PCDH9: variants seen among roughly 807,000 people sequenced by gnomAD.
The protein encoded by PCDH9 is protocadherin-9.
A neutral mutation model predicts 70.6 loss-of-function variants in PCDH9; 24 were observed. That is an observed-to-expected ratio of 0.34 (90% CI 0.25 to 0.48). The LOEUF (loss-of-function observed/expected upper bound fraction) is 0.48, where lower values mean the gene tolerates loss of function less well. PCDH9 is among the 20% of genes least tolerant of loss of function. The pLI is 0.99. For synonymous variants in PCDH9, 562 were observed against 558.5 expected (o/e 1.01, Z -0.09); for missense variants, 1,281 against 1,503.6 (o/e 0.85, Z 2.45).
At chr13:66,618,200 C>T (rs768830411) in intron 4 of PCDH9, among the ~76,000 whole-genome samples, 2 of 152,098 alleles carry the variant, frequency 1.3e-5, no homozygotes, top group African/African-American at 2.4e-5. Context: ...AAATTGTCTG[C>T]GAGCCTGAAG....
intron 4 of PCDH9, among the ~76,000 whole-genome samples, chr13:66,484,068 C>G (rs970493519): frequency 2.0e-5 from 3 of 152,154 alleles, no homozygotes; most frequent in Non-Finnish European, 4.4e-5. Context: ...CATCTCCCTT[C>G]TGGCTCCCCC....
At chr13:66,816,916 G>A (rs1184755674) in intron 3 of PCDH9, among the ~76,000 whole-genome samples, 1 of 150,114 alleles carries the variant, frequency 6.7e-6, no homozygotes, top group Admixed American at 6.6e-5. Context: ...GATAATGTGA[G>A]CTGACTATAA....
chr13:66,977,422 TAAAG>T (rs2139761068), intron 2 of PCDH9: 1 of 152,202 alleles, frequency 6.6e-6, no homozygotes, highest in South Asian at 2.1e-4. Context: ...TGTAGGCACA[TAAAG>T]AAAGTTTTGA....
chr13:66,972,242 T>C (rs1015327241), intron 2 of PCDH9, among the ~76,000 whole-genome samples: 2 of 151,992 alleles, frequency 1.3e-5, no homozygotes, highest in Non-Finnish European at 2.9e-5. Context: ...TACTGAAAGA[T>C]ATTCATAGCT....
intron 4 of PCDH9, among the ~76,000 whole-genome samples, chr13:66,533,696 G>C (rs1960568125): frequency 6.6e-6 from 1 of 152,048 alleles, no homozygotes; most frequent in Non-Finnish European, 1.5e-5. Flanking sequence ...ACAGTATGTT[G>C]AGCTTGATTT....
intron 2 of PCDH9, among the ~76,000 whole-genome samples, chr13:67,119,829 G>A (rs903918997): frequency 3.3e-5 from 5 of 152,092 alleles, no homozygotes; most frequent in African/African-American, 1.2e-4. Flanking sequence ...TTAGAGAATC[G>A]TGCAAGAATG....
intron 4 of PCDH9, among the ~76,000 whole-genome samples, chr13:66,368,444 AC>A (rs1160353498): frequency 3.3e-5 from 5 of 151,744 alleles, no homozygotes; most frequent in Non-Finnish European, 7.4e-5. Context: ...AATAAGTGAC[AC>A]CCCCAATTTT....
chr13:67,116,468 C>G (rs1226275150), intron 2 of PCDH9, among the ~76,000 whole-genome samples: 6 of 152,062 alleles, frequency 3.9e-5, no homozygotes, highest in African/African-American at 1.4e-4. Context: ...AAGTTTAGGA[C>G]AGTAAGTTGA....
At chr13:66,757,941 A>T (rs955791552) in intron 3 of PCDH9, among the ~76,000 whole-genome samples, 1 of 152,126 alleles carries the variant, frequency 6.6e-6, no homozygotes, top group African/African-American at 2.4e-5. Flanking sequence ...CAAATGGATT[A>T]GAAATTTTAA....
At chr13:66,329,445 C>T (rs1443120758) in intron 4 of PCDH9, among the ~76,000 whole-genome samples, 1 of 152,174 alleles carries the variant, frequency 6.6e-6, no homozygotes, top group Non-Finnish European at 1.5e-5. Flanking sequence ...TATCCCACCT[C>T]CCCTTATCTT....
chr13:67,128,262 G>A (rs530774356), intron 2 of PCDH9, among the ~76,000 whole-genome samples: 1 of 152,272 alleles, frequency 6.6e-6, no homozygotes, highest in Admixed American at 6.5e-5. Context: ...GTTTAGAGAA[G>A]CACATTTGGA....
intron 2 of PCDH9, among the ~76,000 whole-genome samples, chr13:67,172,431 C>T (rs1386578136): frequency 6.6e-6 from 1 of 152,056 alleles, no homozygotes; most frequent in Non-Finnish European, 1.5e-5. Flanking sequence ...ATAATTATAA[C>T]TAAATGGGGA....
intron 4 of PCDH9, among the ~76,000 whole-genome samples, chr13:66,356,281 G>A (rs1956381069): frequency 6.6e-6 from 1 of 152,120 alleles, no homozygotes; most frequent in Non-Finnish European, 1.5e-5. Context: ...AATCCCTGCA[G>A]CACCTTCATG....
intron 4 of PCDH9, among the ~76,000 whole-genome samples, chr13:66,606,590 T>C (rs1040163148): frequency 1.2e-4 from 19 of 152,146 alleles, no homozygotes; most frequent in African/African-American, 4.1e-4. Flanking sequence ...ACTAGGCATA[T>C]TGTTGCCAGA....
At chr13:66,730,314 A>G (rs1198764318) in intron 3 of PCDH9, among the ~76,000 whole-genome samples, 1 of 152,190 alleles carries the variant, frequency 6.6e-6, no homozygotes, top group Non-Finnish European at 1.5e-5. Flanking sequence ...TGCAAATTTT[A>G]TAATTAAAAT....
At chr13:66,638,831 A>G (rs191259389) in intron 3 of PCDH9, among the ~76,000 whole-genome samples, 45 of 152,268 alleles carry the variant, frequency 3.0e-4, no homozygotes, top group African/African-American at 9.9e-4. Flanking sequence ...CTCCATAATA[A>G]CTTTTAAGAG....
intron 4 of PCDH9, among the ~76,000 whole-genome samples, chr13:66,486,640 A>AG (rs59180442): frequency 3.3e-4 from 19 of 57,430 alleles, no homozygotes; most frequent in African/African-American, 8.6e-4. Context: ...TATCTCAGAA[A>AG]AAAAAAAAAA....
At chr13:66,793,444 AG>A (rs1476929431) in intron 3 of PCDH9, among the ~76,000 whole-genome samples, 1 of 152,204 alleles carries the variant, frequency 6.6e-6, no homozygotes, top group African/African-American at 2.4e-5. Flanking sequence ...GCAAAGCCCA[AG>A]GTATAAATTA....
intron 2 of PCDH9, among the ~76,000 whole-genome samples, chr13:67,092,624 C>G (rs1566419599): frequency 6.6e-6 from 1 of 152,070 alleles, no homozygotes; most frequent in African/African-American, 2.4e-5. Context: ...TAATGCTGCT[C>G]CAGCCTTCCT....
Sources: gnomAD v4.1 joint callset for allele counts (sites outside exome capture counted in the v4.1 genomes callset) on GRCh38, gnomAD v4.1.1 for gene constraint, MANE v1.5 for transcripts, NCBI Gene and HGNC (gene_info 2026-07-23, HGNC 2026-07-21) for gene names.